Variants in CD109 observed in about 807,000 individuals in gnomAD.
CD109 encodes the protein CD109 molecule.
Under a neutral mutation model 165.8 loss-of-function variants are expected in CD109, and 149 were observed. That is an observed-to-expected ratio of 0.90 (90% CI 0.79 to 1.03). The LOEUF is 1.03. Ranked by LOEUF, CD109 falls within the 50% of genes least tolerant of loss-of-function variation. The probability of loss-of-function intolerance (pLI) is 0.00; values close to 1 mark genes in which losing one functional copy is unlikely to be tolerated. For synonymous variants in CD109, 585 were observed against 592.1 expected, an observed-to-expected ratio of 0.99 and a Z score of 0.18; for missense variants, 1,712 against 1,677.8, an observed-to-expected ratio of 1.02 and a Z score of -0.36.
intron 6 of CD109, among the ~76,000 whole-genome samples, chr6:73,758,669 C>T (rs1051140654): frequency 1.3e-5 from 2 of 152,162 alleles, no homozygotes; most frequent in African/African-American, 2.4e-5. Flanking sequence ...AGGCGTGAGC[C>T]ACTACTCCCA....
chr6:73,771,314 C>A, intron 14 of CD109, 115 bp from the exon 15 acceptor site: 1 of 779,948 alleles, frequency 1.3e-6, no homozygotes, highest in Non-Finnish European at 2.0e-6. Context: ...TAGAATTATC[C>A]CTGAGCCAAG....
Position 73,745,961 on chromosome 6 carries a change from C to T in CD109, c.633+9453C>T, listed in dbSNP as rs1053104121. 5.9e-5 allele frequency among the ~76,000 whole-genome samples: 9 copies of T among 152,336 alleles called. No individual in the cohort carries two copies. The East Asian group carries it at 1.2e-3, about 20-fold the overall frequency. Reference sequence around the variant, plus strand: ...GCCAGGCTGGTCTTGAACTTCTGACCTCAAGTGATCCGCCTGCCTCTGCCT... The same window carrying T: ...GCCAGGCTGGTCTTGAACTTCTGACTTCAAGTGATCCGCCTGCCTCTGCCT... On this transcript the variant is annotated intron_variant, in intron 5 of 32. Coordinates refer to ENST00000287097, the MANE Select transcript of CD109 (RefSeq NM_133493.5).
chr6:73,780,773 T>C (rs1774456166), intron 16 of CD109, among the ~76,000 whole-genome samples: 1 of 80,624 alleles, frequency 1.2e-5, no homozygotes, highest in South Asian at 3.1e-4. Context: ...ATTTTATGTA[T>C]ATATATAATA....
At chr6:73,696,064 G>T (rs1461774139), upstream of CD109, 7 of 686,588 alleles carry the variant, frequency 1.0e-5, no homozygotes, top group African/African-American at 1.1e-4. Context: ...TCTCAATTTA[G>T]ATCTCTCACT....
chr6:73,760,554 G>A (rs1285055237), intron 7 of CD109, among the ~76,000 whole-genome samples: 4 of 150,616 alleles, frequency 2.7e-5, no homozygotes, highest in South Asian at 2.1e-4. Context: ...GACTTACGAA[G>A]CTAAGTTTGG....
chr6:73,802,306 T>TA (rs397687397), intron 23 of CD109, among the ~76,000 whole-genome samples: 235 of 46,166 alleles, frequency 5.1e-3, no homozygotes, highest in East Asian at 0.016. Flanking sequence ...TATATATATA[T>TA]TTTTTTTTTT....
intron 3 of CD109, among the ~76,000 whole-genome samples, chr6:73,727,896 G>T (rs763596387): frequency 6.6e-6 from 1 of 152,188 alleles, no homozygotes; most frequent in Non-Finnish European, 1.5e-5. Context: ...GAGGACTGAA[G>T]TATCACTTGA....
At position 73,823,606 on chromosome 6, in the gene CD109, T is replaced by A. The variant is rs1396376565; in HGVS notation, c.4311T>A (p.Leu1437=). Residue 1437 remains leucine, a synonymous_variant, in exon 33 of 33, where the codon CTT becomes CTA. Coordinates refer to ENST00000287097, the MANE Select transcript of CD109 (RefSeq NM_133493.5). The stretch of plus-strand genomic sequence containing the variant: ...TCATTTTTATTTTCTGTTTCAAGCT[T>A]CTGTACTTTATGGAACTTTGGCTGT... ...SSVIFIFCFK[L]LYFMELWL 1 of 1,612,718 alleles carries A rather than the reference T, an allele frequency of 6.2e-7. No homozygotes were observed. The highest frequency in any genetic ancestry group is 1.1e-5 in the South Asian group (1 of 90,988).
intron 23 of CD109, among the ~76,000 whole-genome samples, chr6:73,799,752 G>C (rs1775296338): frequency 6.6e-6 from 1 of 152,148 alleles, no homozygotes; most frequent in South Asian, 2.1e-4. Context: ...TTTGTGTGGG[G>C]ACAAATATAC....
intron 5 of CD109, among the ~76,000 whole-genome samples, chr6:73,740,778 A>T (rs1418751982): frequency 6.6e-6 from 1 of 151,666 alleles, no homozygotes; most frequent in Non-Finnish European, 1.5e-5. Context: ...TTTTTAGTAG[A>T]GACGGTTTCA....
chr6:73,798,251 A>T (rs911551183), intron 23 of CD109, among the ~76,000 whole-genome samples: 1 of 151,922 alleles, frequency 6.6e-6, no homozygotes, highest in Non-Finnish European at 1.5e-5. Flanking sequence ...AGTAGCTGGG[A>T]CTACAGGTGT....
chr6:73,818,540 G>A lies in CD109; in HGVS notation c.4059+5G>A. On this transcript the variant is annotated splice_donor_5th_base_variant and intron_variant, in intron 31 of 32. Coordinates refer to ENST00000287097, the MANE Select transcript of CD109 (RefSeq NM_133493.5). ...CTCAACCTCTATTTAGATTCTGTAA[G>A]TAGTAAAACATAAGGTAACTGTTGA... The A allele has an allele frequency of 6.2e-6, 10 of 1,611,480 alleles. No homozygotes were observed. Among genetic ancestry groups the A allele is most frequent in the Non-Finnish European group, 8.5e-6 (10 of 1,178,986 alleles).
chr6:73,773,452 G>C (rs889061424), intron 15 of CD109, among the ~76,000 whole-genome samples: 2 of 151,852 alleles, frequency 1.3e-5, no homozygotes, highest in African/African-American at 4.8e-5. Context: ...CCACTTATAA[G>C]TATGGTAATT....
intron 5 of CD109, among the ~76,000 whole-genome samples, chr6:73,739,579 T>C (rs1007041974): frequency 2.0e-5 from 3 of 152,314 alleles, no homozygotes; most frequent in African/African-American, 7.2e-5. Flanking sequence ...CTGGGCGTGG[T>C]GGCTCACACC....
intron 4 of CD109, among the ~76,000 whole-genome samples, chr6:73,732,395 A>G (rs1772398441): frequency 1.3e-5 from 2 of 152,230 alleles, no homozygotes; most frequent in Non-Finnish European, 2.9e-5. Flanking sequence ...TATTGCTTGA[A>G]TTGAACTAGC....
At chr6:73,709,897 C>A (rs527304453) in intron 2 of CD109, among the ~76,000 whole-genome samples, 1 of 152,272 alleles carries the variant, frequency 6.6e-6, no homozygotes, top group East Asian at 1.9e-4. Context: ...AACAGCGCTT[C>A]ATGCTAAAAA....
intron 15 of CD109, among the ~76,000 whole-genome samples, chr6:73,779,415 A>AT (rs555241439): frequency 9.3e-4 from 141 of 151,754 alleles, no homozygotes; most frequent in Non-Finnish European, 1.8e-3. Context: ...CGCCCAGCTA[A>AT]TTTTTTGTAT....
intron 22 of CD109, among the ~76,000 whole-genome samples, chr6:73,789,580 A>C (rs1205925296): frequency 6.6e-6 from 1 of 150,556 alleles, no homozygotes; most frequent in Non-Finnish European, 1.5e-5. Context: ...CAGCCTCCCG[A>C]GTAGTTGGGA....
intron 15 of CD109, among the ~76,000 whole-genome samples, chr6:73,778,886 C>T (rs1774364037): frequency 6.6e-6 from 1 of 151,622 alleles, no homozygotes; most frequent in South Asian, 2.1e-4. Context: ...AAATTATTAC[C>T]TAAAAAGGTA....
Sources: allele counts gnomAD v4.1 joint callset (sites outside exome capture counted in the v4.1 genomes callset), GRCh38; gene constraint gnomAD v4.1.1; transcripts MANE v1.5; gene names NCBI Gene and HGNC (gene_info 2026-07-23, HGNC 2026-07-21).